KIAA0825: variants seen among roughly 807,000 people sequenced by gnomAD.
The protein encoded by KIAA0825 is uncharacterized protein KIAA0825.
KIAA0825 carries 119 observed loss-of-function variants against 147.6 expected under a neutral mutation model. That is an observed-to-expected ratio of 0.81 (90% CI 0.69 to 0.94). The LOEUF (loss-of-function observed/expected upper bound fraction) is 0.94. Among genes scored for constraint, KIAA0825 ranks in the 40% least tolerant of loss-of-function variants. KIAA0825 has a pLI of 0.00. For synonymous variants in KIAA0825, 470 were observed against 518.1 expected (o/e 0.91, Z 1.26); for missense variants, 1,381 against 1,472.7 (o/e 0.94, Z 1.02).
chr5:94,407,199 C>G (rs1414125369), intron 15 of KIAA0825, among the ~76,000 whole-genome samples: 1 of 152,140 alleles, frequency 6.6e-6, no homozygotes, highest in Non-Finnish European at 1.5e-5. Flanking sequence ...CAAGAAAGCC[C>G]TGAGAAAGCG....
rs574835708 is a variant in KIAA0825 at position 94,484,878 on chromosome 5, T to C, written c.1023A>G (p.Lys341=). The C allele has an allele frequency of 1.9e-6, 3 of 1,538,668 alleles. No individual in the cohort carries two copies. In the African/African-American group the frequency reaches 4.1e-5, roughly 21 times the overall value. Residue 341 remains lysine (K), a synonymous_variant, in exon 6 of 21, where the codon AAA becomes AAG. Transcript: ENST00000682413. ...TTATGAGCTGCGATAAGAATTCGACTTTGTCTAAAGGGAGAGAGAAGTTTC... is the reference window on the plus strand; with the variant it reads ...TTATGAGCTGCGATAAGAATTCGACCTTGTCTAAAGGGAGAGAGAAGTTTC... ...KGRNFSLPLD[K]VEFLSQLIKS...
intron 8 of KIAA0825, among the ~76,000 whole-genome samples, chr5:94,472,652 G>A (rs1338095990): frequency 6.6e-6 from 1 of 152,150 alleles, no homozygotes; most frequent in Non-Finnish European, 1.5e-5. Context: ...GGTGAGGCAG[G>A]AGAATGGCGT....
At chr5:94,454,773 GGA>G (rs1321918314) in intron 12 of KIAA0825, among the ~76,000 whole-genome samples, 1 of 152,150 alleles carries the variant, frequency 6.6e-6, no homozygotes, top group African/African-American at 2.4e-5. Context: ...GAGTCAGGCA[GGA>G]GAGAGGGAGA....
intron 20 of KIAA0825, among the ~76,000 whole-genome samples, chr5:94,310,154 T>A (rs969574955): frequency 4.0e-5 from 6 of 151,732 alleles, no homozygotes; most frequent in Non-Finnish European, 1.5e-5. Context: ...GGTATTCCTA[T>A]TCCATCCTTT....
At chr5:94,275,713 C>T (rs927895922) in intron 20 of KIAA0825, among the ~76,000 whole-genome samples, 3 of 152,088 alleles carry the variant, frequency 2.0e-5, no homozygotes, top group Non-Finnish European at 4.4e-5. Flanking sequence ...GACATGTTGT[C>T]TCTCTATGGG....
chr5:94,410,005 T>C (rs1033073902), intron 15 of KIAA0825, among the ~76,000 whole-genome samples: 3 of 151,678 alleles, frequency 2.0e-5, no homozygotes, highest in African/African-American at 7.3e-5. Flanking sequence ...ACTAAGTCAA[T>C]AGAAATATAC....
chr5:94,171,831 A>G (rs1156577729), intron 20 of KIAA0825, among the ~76,000 whole-genome samples: 1 of 152,152 alleles, frequency 6.6e-6, no homozygotes, highest in Non-Finnish European at 1.5e-5. Flanking sequence ...TAGCCAATGA[A>G]AATAAGTGAA....
intron 20 of KIAA0825, among the ~76,000 whole-genome samples, chr5:94,231,024 G>A (rs1583923471): frequency 6.6e-6 from 1 of 152,106 alleles, no homozygotes; most frequent in Non-Finnish European, 1.5e-5. Flanking sequence ...AACCTTGACA[G>A]TTTCCCTCTA....
intron 3 of KIAA0825, among the ~76,000 whole-genome samples, chr5:94,532,308 A>G (rs1388012196): frequency 1.3e-5 from 2 of 151,632 alleles, no homozygotes; most frequent in African/African-American, 4.8e-5. Flanking sequence ...CCACCACACC[A>G]GCTAATTTTT....
intron 7 of KIAA0825, 95 bp from the exon 8 acceptor site, chr5:94,473,614 TGTTGAA>T: frequency 1.2e-6 from 1 of 801,162 alleles, no homozygotes. Context: ...TCATTCAACA[TGTTGAA>T]TATATTCTTT....
At chr5:94,179,154 A>G (rs1013212312) in intron 20 of KIAA0825, among the ~76,000 whole-genome samples, 1 of 152,082 alleles carries the variant, frequency 6.6e-6, no homozygotes, top group African/African-American at 2.4e-5. Context: ...AAAAAAGGGT[A>G]ACTCATACTT....
chr5:94,355,976 T>C (rs1195846872), intron 20 of KIAA0825, among the ~76,000 whole-genome samples: 3 of 152,224 alleles, frequency 2.0e-5, no homozygotes, highest in Non-Finnish European at 4.4e-5. Context: ...AATATGCACA[T>C]GAATCACTTG....
At chr5:94,310,998 A>C (rs1779120418) in intron 20 of KIAA0825, among the ~76,000 whole-genome samples, 1 of 151,712 alleles carries the variant, frequency 6.6e-6, no homozygotes. Flanking sequence ...TGTAGTGTGC[A>C]TTAAAATCAT....
At chr5:94,578,308 T>G (rs990739419) in intron 2 of KIAA0825, among the ~76,000 whole-genome samples, 2 of 152,232 alleles carry the variant, frequency 1.3e-5, no homozygotes, top group Non-Finnish European at 2.9e-5. Context: ...TTCCGTAGAC[T>G]GTGGCTTTAG....
chr5:94,321,207 C>T (rs1417840546), intron 20 of KIAA0825, among the ~76,000 whole-genome samples: 1 of 151,786 alleles, frequency 6.6e-6, no homozygotes, highest in East Asian at 1.9e-4. Context: ...GGTTAAATAC[C>T]CCAAGGTCAT....
intron 20 of KIAA0825, among the ~76,000 whole-genome samples, chr5:94,335,254 A>G (rs765479553): frequency 6.6e-6 from 1 of 152,154 alleles, no homozygotes; most frequent in Non-Finnish European, 1.5e-5. Context: ...CAGTAAAACT[A>G]GAAATTAAGT....
intron 20 of KIAA0825, among the ~76,000 whole-genome samples, chr5:94,379,052 G>C (rs2150499737): frequency 6.6e-6 from 1 of 152,212 alleles, no homozygotes; most frequent in South Asian, 2.1e-4. Context: ...CATTCTGTAG[G>C]TTTTCTGTTT....
chr5:94,292,732 ATCTG>A (rs1373460308), intron 20 of KIAA0825, among the ~76,000 whole-genome samples: 4 of 152,058 alleles, frequency 2.6e-5, no homozygotes, highest in African/African-American at 9.7e-5. Flanking sequence ...TCGGCTGTGA[ATCTG>A]TCTGATCCTG....
intron 5 of KIAA0825, among the ~76,000 whole-genome samples, chr5:94,489,570 TAAA>T (rs200850265): frequency 5.0e-5 from 6 of 119,446 alleles, no homozygotes; most frequent in African/African-American, 1.5e-4. Flanking sequence ...ACCAGTGACT[TAAA>T]AAAAAAAAAA....
Sources: gnomAD v4.1 joint callset for allele counts (sites outside exome capture counted in the v4.1 genomes callset) on GRCh38, gnomAD v4.1.1 for gene constraint, MANE v1.5 for transcripts, NCBI Gene and HGNC (gene_info 2026-07-23, HGNC 2026-07-21) for gene names.